The following SIPA1L1 variants were observed in gnomAD, a reference collection of about 807,000 sequenced individuals.
SIPA1L1 encodes signal induced proliferation associated 1 like 1.
A neutral mutation model predicts 162.7 loss-of-function variants in SIPA1L1; 26 were observed. The ratio of observed to expected loss-of-function variants is 0.16; its 90% CI spans 0.12 to 0.22. SIPA1L1 has a LOEUF of 0.22. Ranked by LOEUF, SIPA1L1 falls within the 10% of genes least tolerant of loss-of-function variation. The pLI, the probability that SIPA1L1 is intolerant of heterozygous loss-of-function variation, is 1.00. For missense variants in SIPA1L1, 1,874 were observed against 2,241.0 expected, an observed-to-expected ratio of 0.84 and a Z score of 3.31; for synonymous variants, 829 against 837.4, an observed-to-expected ratio of 0.99 and a Z score of 0.17.
intron 2 of SIPA1L1, among the ~76,000 whole-genome samples, chr14:71,446,894 GTTTTTTTTTTTGTTTTTTT>G (rs1433935740): frequency 1.3e-4 from 11 of 87,406 alleles, no homozygotes; most frequent in African/African-American, 2.2e-4. Flanking sequence ...GATGGGCTCT[GTTTTTTTTTTTGTTTTTTT>G]TTTTTTTTTT....
chr14:71,635,577 A>C (rs1309871096), intron 7 of SIPA1L1, among the ~76,000 whole-genome samples: 1 of 152,212 alleles, frequency 6.6e-6, no homozygotes, highest in Non-Finnish European at 1.5e-5. Flanking sequence ...TATATATAGT[A>C]ATACATAGAG....
chr14:71,502,543 G>C (rs2050346456), intron 2 of SIPA1L1, among the ~76,000 whole-genome samples: 1 of 151,910 alleles, frequency 6.6e-6, no homozygotes, highest in African/African-American at 2.4e-5. Flanking sequence ...ACCATGCCCA[G>C]CCTAGAATCT....
chr14:71,405,661 T>C (rs964929753), intron 2 of SIPA1L1, among the ~76,000 whole-genome samples: 3 of 152,200 alleles, frequency 2.0e-5, no homozygotes, highest in African/African-American at 7.2e-5. Flanking sequence ...GCTGTTGTGC[T>C]GAGGTCATCT....
chr14:71,512,012 C>A (rs1024732070), intron 2 of SIPA1L1, among the ~76,000 whole-genome samples: 3 of 152,144 alleles, frequency 2.0e-5, no homozygotes, highest in African/African-American at 7.2e-5. Context: ...AACAGAAGTA[C>A]CTGTTTTCTG....
At chr14:71,735,654 G>A (rs1457527607) in intron 22 of SIPA1L1, 4 of 349,028 alleles carry the variant, frequency 1.1e-5, no homozygotes, top group Non-Finnish European at 2.1e-5. Context: ...CTCAGGGCCA[G>A]TTGGGGCAGG....
intron 2 of SIPA1L1, among the ~76,000 whole-genome samples, chr14:71,480,473 A>G (rs2048267125): frequency 1.3e-5 from 2 of 150,790 alleles, no homozygotes; most frequent in African/African-American, 2.4e-5. Flanking sequence ...AAAAAAAAGA[A>G]GAAGTCAGCC....
At chr14:71,637,051 T>TAA (rs199901513) in intron 7 of SIPA1L1, among the ~76,000 whole-genome samples, 183 of 121,252 alleles carry the variant, frequency 1.5e-3, no homozygotes, top group African/African-American at 5.2e-3. Context: ...ACTCCATCTT[T>TAA]AAAAAAAAAA....
At chr14:71,608,524 A>T (rs766704754) in intron 5 of SIPA1L1, among the ~76,000 whole-genome samples, 6 of 152,182 alleles carry the variant, frequency 3.9e-5, no homozygotes, top group African/African-American at 1.2e-4. Flanking sequence ...AAAAAGTTGC[A>T]TTAATATGCA....
Position 71,739,775 on chromosome 14 carries a change from CTG to C in SIPA1L1, c.*616_*617del, listed in dbSNP as rs1219800392. 1 of 152,290 alleles carries C rather than the reference CTG, an allele frequency of 6.6e-6. No individual in the cohort carries two copies. Among genetic ancestry groups the C allele is most frequent in the African/African-American group, 2.4e-5 (1 of 41,458 alleles). 9.4% of individuals were successfully genotyped at this position (152,290 alleles called of 1,614,324 possible). On this transcript the variant is annotated 3_prime_UTR_variant, in exon 24 of 24. Transcript: ENST00000381232. Reference sequence around the variant, plus strand: ...CGGAGTTAAATATTTAACAGCAAGTCTGTAAACCAGAGCAGCTCTGACAGTGC... The same window carrying C: ...CGGAGTTAAATATTTAACAGCAAGTCTAAACCAGAGCAGCTCTGACAGTGC...
intron 1 of SIPA1L1, among the ~76,000 whole-genome samples, chr14:71,320,833 G>C (rs901567669): frequency 6.6e-6 from 1 of 152,158 alleles, no homozygotes; most frequent in Non-Finnish European, 1.5e-5. Flanking sequence ...CCTCGGGGAC[G>C]GCGCGAGCGG....
At chr14:71,474,020 G>A (rs941305375) in intron 2 of SIPA1L1, among the ~76,000 whole-genome samples, 1 of 152,198 alleles carries the variant, frequency 6.6e-6, no homozygotes, top group African/African-American at 2.4e-5. Context: ...AAAGGGTCCT[G>A]CATTCCCTTG....
chr14:71,569,836 T>G (rs1567221274), intron 4 of SIPA1L1, among the ~76,000 whole-genome samples: 3 of 152,228 alleles, frequency 2.0e-5, no homozygotes. Flanking sequence ...GCATTGGCAC[T>G]GCTTCTGCCA....
At chr14:71,687,946 G>A (rs893181212) in intron 13 of SIPA1L1, among the ~76,000 whole-genome samples, 1 of 152,170 alleles carries the variant, frequency 6.6e-6, no homozygotes, top group Non-Finnish European at 1.5e-5. Flanking sequence ...CACTAGACTA[G>A]GATTTCAGAT....
At chr14:71,629,000 C>T (rs1324989395) in intron 7 of SIPA1L1, among the ~76,000 whole-genome samples, 2 of 152,038 alleles carry the variant, frequency 1.3e-5, no homozygotes, top group South Asian at 2.1e-4. Flanking sequence ...TGCAGTGGTG[C>T]GATCTCGGCT....
intron 2 of SIPA1L1, among the ~76,000 whole-genome samples, chr14:71,471,581 A>G (rs1055942016): frequency 6.6e-6 from 1 of 152,230 alleles, no homozygotes; most frequent in Non-Finnish European, 1.5e-5. Context: ...TTACATTTTA[A>G]GGACAGAAGA....
intron 7 of SIPA1L1, among the ~76,000 whole-genome samples, chr14:71,647,502 G>A (rs553710297): frequency 8.6e-5 from 13 of 152,004 alleles, no homozygotes; most frequent in Admixed American, 6.5e-4. Flanking sequence ...ATTCAGTGTC[G>A]CTGTAATGCT....
rs113520416 is a variant in SIPA1L1 at position 71,438,140 on chromosome 14, T to TAAACA, written c.-464-74578_-464-74574dup. 2.8e-3 allele frequency among the ~76,000 whole-genome samples: 432 copies of TAAACA among 152,240 alleles called. 2 individuals are homozygous for TAAACA. Among genetic ancestry groups the TAAACA allele is most frequent in the African/African-American group, 9.1e-3 (379 of 41,534 alleles). ...TTGATTCTCTACCTTACTTTTTAGT[T>TAAACA]AAACAAAACAAAACAAAACAAAACA... On this transcript the variant is annotated intron_variant, in intron 2 of 23. Coordinates refer to ENST00000381232, the MANE Select transcript of SIPA1L1 (RefSeq NM_001386936.1).
chr14:71,463,560 A>G (rs527648631), intron 2 of SIPA1L1, among the ~76,000 whole-genome samples: 1 of 152,306 alleles, frequency 6.6e-6, no homozygotes, highest in East Asian at 1.9e-4. Flanking sequence ...GTAAAAGGCC[A>G]GAGGTCTTGG....
rs527336915 is a variant in SIPA1L1 at position 71,587,860 on chromosome 14, T to C, written c.-13T>C. 6.3e-7 allele frequency: 1 copy of C among 1,593,422 alleles called. No homozygotes were observed. Among genetic ancestry groups the C allele is most frequent in the African/African-American group, 1.3e-5 (1 of 74,546 alleles). ...CCTTGCTGCAGGGATTTAAGTCTAC[T>C]TGCTTTTACATCATGACCAGCTTGA... On this transcript the variant is annotated 5_prime_UTR_variant, in exon 5 of 24. Transcript: ENST00000381232.
Sources: allele counts gnomAD v4.1 joint callset (sites outside exome capture counted in the v4.1 genomes callset), GRCh38; gene constraint gnomAD v4.1.1; transcripts MANE v1.5; gene names NCBI Gene and HGNC (gene_info 2026-07-23, HGNC 2026-07-21).